Variants in ANO2 observed in about 807,000 individuals in gnomAD.
ANO2 encodes the protein anoctamin 2.
In ANO2, 101 loss-of-function variants were observed where a neutral mutation model predicts 124.2. The ratio of observed to expected loss-of-function variants is 0.81; its 90% confidence interval spans 0.69 to 0.96. The LOEUF is 0.96. ANO2 is among the 40% of genes least tolerant of loss of function. The pLI, the probability that ANO2 is intolerant of heterozygous loss-of-function variation, is 0.00. For missense variants in ANO2, 1,293 were observed against 1,274.5 expected, an observed-to-expected ratio of 1.01 and a Z score of -0.22; for synonymous variants, 486 against 482.5, an observed-to-expected ratio of 1.01 and a Z score of -0.09.
intron 8 of ANO2, among the ~76,000 whole-genome samples, chr12:5,807,109 C>T (rs995330314): frequency 1.3e-5 from 2 of 152,088 alleles, no homozygotes; most frequent in Non-Finnish European, 2.9e-5. Flanking sequence ...AAATCATTGC[C>T]GAGACAGTTT....
intron 19 of ANO2, among the ~76,000 whole-genome samples, chr12:5,606,263 T>C (rs111282085): frequency 2.0e-5 from 3 of 152,292 alleles, no homozygotes; most frequent in African/African-American, 7.2e-5. Flanking sequence ...CACTTGGCCT[T>C]GCATCTCATT....
rs1025868134 is a variant in ANO2, at chr12:5,635,606, C to G, written c.1621-259G>C. Among the ~76,000 whole-genome samples, 7 of 151,426 alleles carry G rather than the reference C, an allele frequency of 4.6e-5. No homozygotes were observed. The highest frequency in any genetic ancestry group is 1.5e-4 in the African/African-American group (6 of 41,186). On this transcript the variant is annotated intron_variant, in intron 15 of 24. Transcript: ENST00000682330. This position sits in a 1 kb window ranked among gnomAD's most constrained non-coding sequence, Gnocchi z 5.2. The stretch of plus-strand genomic sequence containing the variant: ...CAGATTCCAAATGATTTATCACACA[C>G]ACACACACACACACACACACACAAT...
intron 14 of ANO2, among the ~76,000 whole-genome samples, chr12:5,666,049 A>G (rs1050500735): frequency 6.6e-6 from 1 of 152,068 alleles, no homozygotes; most frequent in African/African-American, 2.4e-5. Flanking sequence ...TCATCACCCA[A>G]CTGCAGGCCC....
At chr12:5,909,574 A>C (rs927494562) in intron 3 of ANO2, among the ~76,000 whole-genome samples, 1 of 152,214 alleles carries the variant, frequency 6.6e-6, no homozygotes, top group Non-Finnish European at 1.5e-5. Context: ...TCCAGTGCTC[A>C]GCTCCCTTCT....
intron 14 of ANO2, among the ~76,000 whole-genome samples, chr12:5,694,541 C>T (rs1949090107): frequency 6.6e-6 from 1 of 152,152 alleles, no homozygotes; most frequent in Non-Finnish European, 1.5e-5. Context: ...CTTCATATGC[C>T]ACTAACTAGT....
At chr12:5,793,059 G>T (rs937988987) in intron 10 of ANO2, among the ~76,000 whole-genome samples, 5 of 152,166 alleles carry the variant, frequency 3.3e-5, no homozygotes, top group Admixed American at 2.6e-4. Context: ...TGGGGTGTGG[G>T]AAAGAAAGCT....
Position 5,830,425 on chromosome 12 carries a change from A to G in ANO2, c.840+10T>C. 6.2e-7 allele frequency: 1 copy of G among 1,612,004 alleles called. No homozygotes were observed. Among genetic ancestry groups the G allele is most frequent in the South Asian group, 1.1e-5 (1 of 90,268 alleles). ...TCCTCTTTCCTAACACAGTACATCC[A>G]TTTACTTACAATGCGGCTGCGGGTG... On this transcript the variant is annotated intron_variant, in intron 6 of 24. Transcript: ENST00000682330.
At chr12:5,694,163 T>TA (rs35627107) in intron 14 of ANO2, among the ~76,000 whole-genome samples, 9,413 of 150,962 alleles carry the variant, frequency 0.062, 395 homozygotes, top group African/African-American at 0.11. Context: ...CTCTCCACTA[T>TA]AAAAAAATGT....
intron 14 of ANO2, among the ~76,000 whole-genome samples, chr12:5,704,992 C>G (rs948716969): frequency 3.3e-5 from 5 of 152,060 alleles, no homozygotes; most frequent in Non-Finnish European, 5.9e-5. Flanking sequence ...GGGTCAGAAA[C>G]ATAATTTCAC....
At chr12:5,899,707 G>T (rs557880290) in intron 3 of ANO2, among the ~76,000 whole-genome samples, 1 of 152,304 alleles carries the variant, frequency 6.6e-6, no homozygotes, top group African/African-American at 2.4e-5. Flanking sequence ...AGGTCCCTCG[G>T]ATTCCAGATA....
intron 10 of ANO2, among the ~76,000 whole-genome samples, chr12:5,767,375 A>G (rs1951929348): frequency 6.6e-6 from 1 of 152,178 alleles, no homozygotes. Flanking sequence ...TCCTTGGTGA[A>G]CCTAAGAGAC....
chr12:5,630,645 G>A (rs1403507790), intron 16 of ANO2, among the ~76,000 whole-genome samples: 1 of 152,204 alleles, frequency 6.6e-6, no homozygotes, highest in Non-Finnish European at 1.5e-5. Context: ...CTTGAAAAAT[G>A]TCTTTTTACA....
At chr12:5,909,353 T>C (rs1940898287) in intron 3 of ANO2, among the ~76,000 whole-genome samples, 1 of 152,244 alleles carries the variant, frequency 6.6e-6, no homozygotes, top group Non-Finnish European at 1.5e-5. Flanking sequence ...ACTATCTTTA[T>C]TCATGTTACT....
intron 19 of ANO2, among the ~76,000 whole-genome samples, chr12:5,606,159 G>C (rs1211196343): frequency 6.6e-6 from 1 of 152,196 alleles, no homozygotes; most frequent in Non-Finnish European, 1.5e-5. Context: ...GATGGAAGAT[G>C]CCTGGACAGA....
At chr12:5,909,052 G>A (rs1279782026) in intron 3 of ANO2, among the ~76,000 whole-genome samples, 1 of 152,170 alleles carries the variant, frequency 6.6e-6, no homozygotes, top group Non-Finnish European at 1.5e-5. Flanking sequence ...TGGGAGCTAG[G>A]AGAACATGCA....
At position 5,635,277 on chromosome 12, in the gene ANO2, A is replaced by G; in HGVS notation, c.1691T>C (p.Leu564Pro). 1.2e-6 allele frequency: 2 copies of G among 1,611,434 alleles called. No individual in the cohort carries two copies. Among genetic ancestry groups the G allele is most frequent in the Non-Finnish European group, 1.7e-6 (2 of 1,179,304 alleles). ...GACATTGGAGCGTGTAGCCTTATTG[A>G]GAGACAGAGCGGCTGCAGTTGTTAT... The part of the protein sequence containing the change: ...YRITTAAALS[L>P]NKATRSNVRV... Residue 564 changes from leucine (L) to proline (P), a missense_variant, in exon 16 of 25, where the codon CTC becomes CCC. Physicochemically the swap from Leu to Pro is moderately conservative, Grantham distance 98. Coordinates refer to ENST00000682330, the MANE Select transcript of ANO2 (RefSeq NM_001364791.2). The surrounding 1 kb of genome is among the most constrained non-coding windows in gnomAD (Gnocchi z 5.2).
intron 3 of ANO2, among the ~76,000 whole-genome samples, chr12:5,914,550 C>T (rs117060086): frequency 0.034 from 5,185 of 152,292 alleles, 124 homozygotes; most frequent in South Asian, 0.14. Flanking sequence ...CTGTCCCTTC[C>T]AAGAACAGCC....
chr12:5,902,018 C>T (rs145896427), intron 3 of ANO2, among the ~76,000 whole-genome samples: 2 of 152,304 alleles, frequency 1.3e-5, no homozygotes, highest in East Asian at 3.9e-4. Flanking sequence ...TGAGATACTG[C>T]ATGAGCGAGC....
intron 14 of ANO2, among the ~76,000 whole-genome samples, chr12:5,660,238 C>T (rs1294790589): frequency 6.6e-6 from 1 of 151,946 alleles, no homozygotes; most frequent in Non-Finnish European, 1.5e-5. Flanking sequence ...CCTTGATATA[C>T]AGCCTTTTCT....
Sources: gnomAD v4.1 joint callset for allele counts (sites outside exome capture counted in the v4.1 genomes callset) on GRCh38, gnomAD v4.1.1 for gene constraint, Gnocchi (gnomAD v3.1) non-coding constraint, MANE v1.5 for transcripts, NCBI Gene and HGNC (gene_info 2026-07-23, HGNC 2026-07-21) for gene names.